Variants in VRK2 observed in about 807,000 individuals in gnomAD.
VRK2 encodes VRK serine/threonine kinase 2.
Under a neutral mutation model 57.6 loss-of-function variants are expected in VRK2, and 60 were observed. The observed-to-expected ratio is 1.04, with a 90% CI of 0.85 to 1.29. The LOEUF is 1.29. VRK2 is among the 50% of genes most tolerant of loss of function. The pLI is 0.00. For missense variants in VRK2, 705 were observed against 588.1 expected (o/e 1.20, Z -2.06); for synonymous variants, 231 against 199.2 (o/e 1.16, Z -1.35).
chr2:57,916,410 A>G (rs1391250319), intron 1 of VRK2, among the ~76,000 whole-genome samples: 5 of 20,004 alleles, frequency 2.5e-4, no homozygotes, highest in South Asian at 1.1e-3. Context: ...CGTCTCAGAG[A>G]AAAAAAAAAA....
upstream of VRK2, among the ~76,000 whole-genome samples, chr2:58,046,188 C>A (rs1387108624): frequency 2.0e-5 from 3 of 152,166 alleles, no homozygotes; most frequent in Admixed American, 2.0e-4. Flanking sequence ...ATAAAGTCCT[C>A]ACCTTATTGT....
At chr2:57,929,912 CT>C (rs2103928576) in intron 1 of VRK2, among the ~76,000 whole-genome samples, 1 of 152,258 alleles carries the variant, frequency 6.6e-6, no homozygotes, top group African/African-American at 2.4e-5. Context: ...CCCTATCCTA[CT>C]GCAGCTGAGC....
chr2:58,039,807 T>C (rs749180607), intron 3 of VRK2, among the ~76,000 whole-genome samples: 2 of 151,906 alleles, frequency 1.3e-5, no homozygotes, highest in Non-Finnish European at 2.9e-5. Context: ...TAACAGAGAG[T>C]ATTTTTAAAA....
At chr2:58,060,080 C>G (rs1204681191) in intron 2 of VRK2, among the ~76,000 whole-genome samples, 1 of 151,662 alleles carries the variant, frequency 6.6e-6, no homozygotes. Context: ...TTTTATCTTA[C>G]ACAGTGTAAG....
chr2:58,059,096 T>A (rs1182862924), intron 2 of VRK2, among the ~76,000 whole-genome samples: 1 of 152,110 alleles, frequency 6.6e-6, no homozygotes, highest in Non-Finnish European at 1.5e-5. Flanking sequence ...GCATCAGTGA[T>A]ATGTTTTTGA....
At chr2:58,069,266 T>A (rs1456235657) in intron 2 of VRK2, among the ~76,000 whole-genome samples, 2 of 152,200 alleles carry the variant, frequency 1.3e-5, no homozygotes, top group African/African-American at 4.8e-5. Flanking sequence ...AAAGTATTGT[T>A]CAGGTCATGT....
At chr2:58,048,044 G>A (rs1675128142) in intron 1 of VRK2, among the ~76,000 whole-genome samples, 1 of 152,092 alleles carries the variant, frequency 6.6e-6, no homozygotes, top group Non-Finnish European at 1.5e-5. Flanking sequence ...TTTCCCCTAA[G>A]AAATTTTCTC....
Position 57,916,736 on chromosome 2 carries a change from T to TA in VRK2, c.-439+8897_-439+8898insA, listed in dbSNP as rs531575038. ...AAATAAGACAGCTTAGACCATGTGTTTTACTAAGTCAGAGTAGAGAAAAGC... is the reference window on the plus strand; with the variant it reads ...AAATAAGACAGCTTAGACCATGTGTTATTACTAAGTCAGAGTAGAGAAAAGC... On this transcript the variant is annotated intron_variant, in intron 1 of 15. Coordinates refer to the VRK2 transcript ENST00000417641. 2.5e-4 allele frequency among the ~76,000 whole-genome samples: 38 copies of TA among 152,284 alleles called. No individual in the cohort carries two copies. The South Asian group carries it at 7.7e-3, about 31-fold the overall frequency.
At chr2:58,109,808 TTCTCTTATAAC>T (rs1213637738) in intron 7 of VRK2, among the ~76,000 whole-genome samples, 1 of 152,184 alleles carries the variant, frequency 6.6e-6, no homozygotes, top group African/African-American at 2.4e-5. Context: ...ATAAAGGCCA[TTCTCTTATAAC>T]TCACCAGAGA....
chr2:58,158,743 T>C (rs139242343), intron 12 of VRK2, among the ~76,000 whole-genome samples: 56 of 152,270 alleles, frequency 3.7e-4, no homozygotes, highest in African/African-American at 1.2e-3. Flanking sequence ...CTCCCGAAAC[T>C]TGCATAAGTA....
chr2:58,050,975 T>A lies in VRK2; in HGVS notation c.136+2008T>A, dbSNP rs372446658. On this transcript the variant is annotated intron_variant, in intron 2 of 12. Coordinates refer to ENST00000340157, the MANE Select transcript of VRK2 (RefSeq NM_006296.7). ...TTCTCATGCCTCAACCTCCCAAGCA[T>A]CTGGGACTACAGGCACCTGCCACCC... 3.2e-4 allele frequency among the ~76,000 whole-genome samples: 49 copies of A among 152,100 alleles called. 1 individual carries two copies. In the South Asian group the frequency reaches 9.6e-3, roughly 30 times the overall value.
At chr2:58,088,589 G>T (rs895933379) in intron 6 of VRK2, 143 bp downstream of exon 6, 4 of 697,032 alleles carry the variant, frequency 5.7e-6, no homozygotes, top group African/African-American at 1.8e-5. Flanking sequence ...GGCTATTTTG[G>T]TGAAATTGAT....
chr2:58,096,119 C>T (rs1031585030), intron 7 of VRK2, among the ~76,000 whole-genome samples: 6 of 151,842 alleles, frequency 4.0e-5, no homozygotes, highest in African/African-American at 1.5e-4. Flanking sequence ...TTGAACCAAC[C>T]TTTTAAGGAA....
At chr2:57,946,817 C>T (rs1186096367) in intron 1 of VRK2, among the ~76,000 whole-genome samples, 1 of 151,952 alleles carries the variant, frequency 6.6e-6, no homozygotes, top group Non-Finnish European at 1.5e-5. Flanking sequence ...ATATCAAAGG[C>T]GAGATTCATG....
intron 10 of VRK2, among the ~76,000 whole-genome samples, chr2:58,136,451 C>G (rs1187854945): frequency 6.6e-6 from 1 of 150,786 alleles, no homozygotes; most frequent in Admixed American, 6.6e-5. Context: ...GTGGCACGAT[C>G]TCGGCTCAGT....
At chr2:57,957,255 T>C (rs1671614454) in intron 1 of VRK2, among the ~76,000 whole-genome samples, 1 of 152,290 alleles carries the variant, frequency 6.6e-6, no homozygotes, top group East Asian at 1.9e-4. Context: ...TAATTCTCAC[T>C]GTACTTTAAA....
chr2:58,000,814 C>T (rs976660986), intron 1 of VRK2, among the ~76,000 whole-genome samples: 1 of 152,166 alleles, frequency 6.6e-6, no homozygotes, highest in Non-Finnish European at 1.5e-5. Context: ...TATGATTTGA[C>T]ACCTGCTGTA....
chr2:58,090,906 A>G (rs781278304), intron 7 of VRK2, among the ~76,000 whole-genome samples: 9 of 152,244 alleles, frequency 5.9e-5, no homozygotes, highest in Non-Finnish European at 1.2e-4. Flanking sequence ...ATGAAAAAAC[A>G]TGGAAGAAAC....
intron 2 of VRK2, among the ~76,000 whole-genome samples, chr2:58,057,448 C>T (rs943035244): frequency 6.6e-6 from 1 of 152,116 alleles, no homozygotes; most frequent in Admixed American, 6.6e-5. Context: ...TCTGTTAAAG[C>T]ATAGTATGGA....
Sources: allele counts gnomAD v4.1 joint callset (sites outside exome capture counted in the v4.1 genomes callset), GRCh38; gene constraint gnomAD v4.1.1; transcripts MANE v1.5; gene names NCBI Gene and HGNC (gene_info 2026-07-23, HGNC 2026-07-21).